Variants in LMF1 observed in about 807,000 individuals in gnomAD.
LMF1 encodes the protein transmembrane protein 112.
Under a neutral mutation model 60.6 loss-of-function variants are expected in LMF1, and 68 were observed. The observed-to-expected ratio is 1.12, with a 90% CI of 0.92 to 1.37. LMF1 has a LOEUF of 1.37. Among genes scored for constraint, LMF1 ranks in the 40% most tolerant of loss-of-function variants. The pLI is 0.00. For missense variants in LMF1, 948 were observed against 767.2 expected (o/e 1.24, Z -2.78); for synonymous variants, 418 against 324.7 (o/e 1.29, Z -3.09).
intron 6 of LMF1, among the ~76,000 whole-genome samples, chr16:876,974 A>G (rs2070007142): frequency 6.6e-6 from 1 of 152,200 alleles, no homozygotes; most frequent in Admixed American, 6.5e-5. Context: ...TACTTAAAAG[A>G]GAAAGACGGC....
chr16:895,113 C>A (rs551209626), intron 4 of LMF1, among the ~76,000 whole-genome samples: 1 of 152,202 alleles, frequency 6.6e-6, no homozygotes, highest in African/African-American at 2.4e-5. Flanking sequence ...GCGCCAGTCG[C>A]GGTCCCACTG....
At chr16:857,545 AGTGGTGTCACGGGACG>A (rs1234176964) in intron 10 of LMF1, among the ~76,000 whole-genome samples, 6 of 90,154 alleles carry the variant, frequency 6.7e-5, no homozygotes, top group African/African-American at 2.5e-4. Flanking sequence ...GACGGGTGTG[AGTGGTGTCACGGGACG>A]GGTGTGAGTG....
chr16:939,251 G>A (rs980154868), intron 2 of LMF1, among the ~76,000 whole-genome samples: 1 of 113,376 alleles, frequency 8.8e-6, no homozygotes, highest in Non-Finnish European at 1.7e-5. Flanking sequence ...ACAACAGCAC[G>A]CTGTCCCCGC....
intron 3 of LMF1, among the ~76,000 whole-genome samples, chr16:917,612 C>G (rs575840661): frequency 1.3e-5 from 2 of 152,342 alleles, no homozygotes; most frequent in Admixed American, 1.3e-4. Flanking sequence ...GGCCCGCTGA[C>G]CCCTCCGGCT....
At chr16:895,137 T>C (rs1257123985) in intron 4 of LMF1, among the ~76,000 whole-genome samples, 1 of 152,128 alleles carries the variant, frequency 6.6e-6, no homozygotes, top group Non-Finnish European at 1.5e-5. Context: ...GAGACTGGCC[T>C]CCAGACGGCG....
At position 869,025 on chromosome 16, in the gene LMF1, A is replaced by C; in HGVS notation, c.1448T>G (p.Leu483Arg). ...TYEHNDWIIHLAGKLLASDAE... is the reference protein window; with the variant it reads ...TYEHNDWIIHRAGKLLASDAE... ...GTCGCTGGCCAGGAGCTTGCCAGCC[A>C]GGTGGATGATCCAGTCGTTGTGCTC... Residue 483 changes from leucine (L) to arginine (R), a missense_variant, in exon 10 of 11, where the codon CTG (leucine) becomes CGG (arginine). Coordinates refer to ENST00000262301, the MANE Select transcript of LMF1 (RefSeq NM_022773.4). The C allele has an allele frequency of 6.2e-7, 1 of 1,612,672 alleles. No homozygotes were observed. The highest frequency in any genetic ancestry group is 1.1e-5 in the South Asian group (1 of 91,062).
chr16:913,282 C>T (rs747904820), intron 3 of LMF1, among the ~76,000 whole-genome samples: 12 of 152,346 alleles, frequency 7.9e-5, no homozygotes, highest in East Asian at 1.9e-4. Flanking sequence ...AGGAGCCTGA[C>T]GCGTTCTGCC....
intron 2 of LMF1, 53 bp downstream of exon 2, chr16:954,304 G>C: frequency 1.3e-6 from 2 of 1,539,028 alleles, no homozygotes; most frequent in Non-Finnish European, 1.8e-6. Flanking sequence ...TGCAGTGCCT[G>C]TGCTGAGTGA....
At chr16:863,232 C>G (rs2069519175) in intron 10 of LMF1, among the ~76,000 whole-genome samples, 1 of 152,176 alleles carries the variant, frequency 6.6e-6, no homozygotes, top group Non-Finnish European at 1.5e-5. Context: ...GTGCTGCAGT[C>G]TCGGCTCGAG....
intron 4 of LMF1, chr16:902,656 G>A (rs1277301250): frequency 5.9e-6 from 1 of 168,074 alleles, no homozygotes; most frequent in African/African-American, 2.4e-5. Context: ...GCCTGTCTCT[G>A]CTGTGTGGGG....
At chr16:929,529 C>T (rs541953329) in intron 3 of LMF1, among the ~76,000 whole-genome samples, 79 of 152,344 alleles carry the variant, frequency 5.2e-4, no homozygotes, top group Non-Finnish European at 1.0e-3. Flanking sequence ...CTCGGGTTCC[C>T]GCATCCTTTC....
chr16:911,261 G>T (rs578171340), intron 3 of LMF1, among the ~76,000 whole-genome samples, 182 bp from the exon 4 acceptor site: 104 of 152,224 alleles, frequency 6.8e-4, no homozygotes, highest in African/African-American at 2.3e-3. Flanking sequence ...CTGCAGGAGT[G>T]GGAGCTCTGG....
rs760157797 is a variant in LMF1, at chr16:879,585, C to T, written c.882G>A (p.Leu294=). 9 of 1,612,896 alleles carry T rather than the reference C, an allele frequency of 5.6e-6. No homozygotes were observed. Among genetic ancestry groups the T allele is most frequent in the Non-Finnish European group, 5.9e-6 (7 of 1,179,728 alleles). Residue 294 remains leucine (L), a synonymous_variant, in exon 6 of 11, where the codon CTG becomes CTA. Transcript: ENST00000262301. ...GCGGGCTCACCTGGAACAGGATCTG[C>T]AGCACCCCGTGGATGATGCACGCCC... ...GRRACIIHGV[L]QILFQAVLIV...
chr16:856,027 C>T (rs937780104), intron 10 of LMF1: 1 of 452,538 alleles, frequency 2.2e-6, no homozygotes, highest in Non-Finnish European at 4.4e-6. Flanking sequence ...GACAGAGACC[C>T]TCTGGGTGGA....
intron 5 of LMF1, among the ~76,000 whole-genome samples, chr16:882,807 G>A (rs913040169): frequency 6.3e-5 from 9 of 142,718 alleles, no homozygotes; most frequent in African/African-American, 1.3e-4. Context: ...AGGAGGAGCC[G>A]GCGGCAGAGC....
chr16:886,437 C>T (rs959740537), intron 5 of LMF1, among the ~76,000 whole-genome samples: 1 of 152,132 alleles, frequency 6.6e-6, no homozygotes, highest in Admixed American at 6.5e-5. Flanking sequence ...GGCTGCTCTG[C>T]TGAGTGATGC....
At chr16:896,382 C>T (rs2070661683) in intron 4 of LMF1, among the ~76,000 whole-genome samples, 1 of 152,222 alleles carries the variant, frequency 6.6e-6, no homozygotes, top group South Asian at 2.1e-4. Context: ...CCCTCACATG[C>T]CCTGTGCCCC....
At chr16:900,973 A>G (rs1240294627) in intron 4 of LMF1, 1 of 152,174 alleles carries the variant, frequency 6.6e-6, no homozygotes, top group South Asian at 2.1e-4. Context: ...AGTGGGCTCC[A>G]GCAGGAATGG....
At chr16:909,897 G>A (rs1173437669) in intron 4 of LMF1, among the ~76,000 whole-genome samples, 1 of 152,276 alleles carries the variant, frequency 6.6e-6, no homozygotes, top group Non-Finnish European at 1.5e-5. Context: ...GCCCTGGCGT[G>A]AGCGCGCTGT....
Sources: allele counts gnomAD v4.1 joint callset (sites outside exome capture counted in the v4.1 genomes callset), GRCh38; gene constraint gnomAD v4.1.1; transcripts MANE v1.5; gene names NCBI Gene and HGNC (gene_info 2026-07-23, HGNC 2026-07-21).